NRP1: variants seen among roughly 807,000 people sequenced by gnomAD.
NRP1 encodes neuropilin 1.
In NRP1, 35 loss-of-function variants were observed where a neutral mutation model predicts 106.7. The observed-to-expected ratio is 0.33, with a 90% CI of 0.25 to 0.43. The LOEUF (loss-of-function observed/expected upper bound fraction) is 0.43, where lower values mean the gene tolerates loss of function less well. NRP1 is among the 20% of genes least tolerant of loss of function. The probability of loss-of-function intolerance (pLI) is 1.00; values close to 1 mark genes in which losing one functional copy is unlikely to be tolerated. For synonymous variants in NRP1, 437 were observed against 417.9 expected, an observed-to-expected ratio of 1.05 and a Z score of -0.56; for missense variants, 1,024 against 1,170.4, an observed-to-expected ratio of 0.87 and a Z score of 1.83.
intron 2 of NRP1, among the ~76,000 whole-genome samples, chr10:33,272,723 A>T (rs1843394918): frequency 6.6e-6 from 1 of 152,068 alleles, no homozygotes; most frequent in South Asian, 2.1e-4. Flanking sequence ...GTTTCGCCCC[A>T]CGCTTTCTTA....
intron 2 of NRP1, among the ~76,000 whole-genome samples, chr10:33,297,349 T>C (rs1465056417): frequency 2.0e-5 from 3 of 152,218 alleles, no homozygotes; most frequent in Non-Finnish European, 4.4e-5. Context: ...GGAACATTAC[T>C]GGGGCCTCTG....
intron 15 of NRP1, among the ~76,000 whole-genome samples, chr10:33,183,034 T>C (rs1219276436): frequency 6.6e-6 from 1 of 152,152 alleles, no homozygotes; most frequent in Non-Finnish European, 1.5e-5. Flanking sequence ...TCTGTTGTTT[T>C]AGGAGACAAG....
intron 2 of NRP1, among the ~76,000 whole-genome samples, chr10:33,283,447 A>G (rs777680883): frequency 2.0e-5 from 3 of 152,168 alleles, no homozygotes; most frequent in Non-Finnish European, 2.9e-5. Flanking sequence ...AATATCCTCT[A>G]TATGCCCAAA....
Position 33,178,529 on chromosome 10 carries a change from C to T in NRP1, c.*1547G>A, listed in dbSNP as rs374984369. On this transcript the variant is annotated 3_prime_UTR_variant, in exon 17 of 17. Transcript: ENST00000374867. ...CCCCTCTTATCTTAAAATACTTGACCCCCAGGCATCAGGATTTATAGTTTC... is the reference window on the plus strand; with the variant it reads ...CCCCTCTTATCTTAAAATACTTGACTCCCAGGCATCAGGATTTATAGTTTC... 1.6e-3 allele frequency: 244 copies of T among 152,198 alleles called. No individual in the cohort carries two copies. Among genetic ancestry groups the T allele is most frequent in the African/African-American group, 5.7e-3 (235 of 41,526 alleles). The allele number at this position is 152,198 out of a possible 1,614,324, so 9.4% of individuals were successfully genotyped here.
chr10:33,224,229 T>C (rs1449043089), intron 7 of NRP1, among the ~76,000 whole-genome samples: 2 of 152,100 alleles, frequency 1.3e-5, no homozygotes, highest in Non-Finnish European at 2.9e-5. Flanking sequence ...TCCTTCTGCC[T>C]CTCCCCTTGA....
chr10:33,240,082 C>T (rs1051064142), intron 6 of NRP1, among the ~76,000 whole-genome samples: 1 of 152,276 alleles, frequency 6.6e-6, no homozygotes, highest in Admixed American at 6.5e-5. Context: ...TTCTTTGTCT[C>T]ATGGTCTCTG....
intron 6 of NRP1, among the ~76,000 whole-genome samples, chr10:33,246,608 A>ACACACG (rs1841449979): frequency 6.6e-6 from 1 of 151,952 alleles, no homozygotes; most frequent in Non-Finnish European, 1.5e-5. Flanking sequence ...ACACACACAC[A>ACACACG]CAGAGCACAC....
intron 12 of NRP1, among the ~76,000 whole-genome samples, chr10:33,196,146 C>A (rs1325977426): frequency 6.6e-6 from 1 of 152,144 alleles, no homozygotes; most frequent in East Asian, 1.9e-4. Flanking sequence ...TTTCCATTTT[C>A]TACACAGCTG....
intron 2 of NRP1, among the ~76,000 whole-genome samples, chr10:33,318,969 C>T (rs1437738246): frequency 2.7e-5 from 4 of 148,198 alleles, no homozygotes; most frequent in Non-Finnish European, 4.5e-5. Flanking sequence ...CTTCCGGGGT[C>T]GAGTGGGGAC....
intron 10 of NRP1, chr10:33,206,186 G>A (rs754927417): frequency 1.9e-6 from 1 of 518,136 alleles, no homozygotes; most frequent in Non-Finnish European, 3.9e-6. Context: ...CAGAATCCAG[G>A]CTACAGATTC....
intron 6 of NRP1, among the ~76,000 whole-genome samples, chr10:33,234,371 C>T (rs1048730162): frequency 2.0e-5 from 3 of 152,078 alleles, no homozygotes; most frequent in Non-Finnish European, 4.4e-5. Context: ...CTATGCTATT[C>T]CCCAATTCAT....
Position 33,228,670 on chromosome 10 carries a change from T to G in NRP1, c.982-2381A>C, listed in dbSNP as rs528959852. On this transcript the variant is annotated intron_variant, in intron 6 of 16. Transcript: ENST00000374867. ...GGAAAAACAGCACATAGAAGCCAATTTGAAGTTACAGAAAGCAGTAGTGGT... is the reference window on the plus strand; with the variant it reads ...GGAAAAACAGCACATAGAAGCCAATGTGAAGTTACAGAAAGCAGTAGTGGT... 3.9e-5 allele frequency among the ~76,000 whole-genome samples: 6 copies of G among 152,236 alleles called. No individual in the cohort carries two copies. The East Asian group carries it at 1.2e-3, about 29-fold the overall frequency.
At chr10:33,296,846 T>G (rs1845422546) in intron 2 of NRP1, among the ~76,000 whole-genome samples, 2 of 152,036 alleles carry the variant, frequency 1.3e-5, no homozygotes. Context: ...ATGGCCAACA[T>G]GGCGAAACCC....
At chr10:33,194,876 GA>G (rs1294965882) in intron 12 of NRP1, 1 of 430,602 alleles carries the variant, frequency 2.3e-6, no homozygotes, top group Non-Finnish European at 4.7e-6. Context: ...GAGAGAAAAG[GA>G]GAGAAAAAAG....
At chr10:33,280,841 G>T (rs1844068877) in intron 2 of NRP1, among the ~76,000 whole-genome samples, 1 of 151,890 alleles carries the variant, frequency 6.6e-6, no homozygotes, top group South Asian at 2.1e-4. Flanking sequence ...AATTAGTTGG[G>T]CATGGTGGCA....
chr10:33,217,377 TA>T (rs10711237), intron 8 of NRP1, among the ~76,000 whole-genome samples: 45,653 of 146,044 alleles, frequency 0.31, 7,014 homozygotes, highest in East Asian at 0.62. Flanking sequence ...GCTGCCTCAT[TA>T]AAAAAAAAAA....
chr10:33,182,153 T>C (rs534390059), intron 16 of NRP1, among the ~76,000 whole-genome samples: 1 of 152,218 alleles, frequency 6.6e-6, no homozygotes, highest in South Asian at 2.1e-4. Context: ...TACTAACTCT[T>C]CAATAAATCC....
At chr10:33,218,497 C>A (rs1432040388) in intron 8 of NRP1, among the ~76,000 whole-genome samples, 1 of 151,840 alleles carries the variant, frequency 6.6e-6, no homozygotes, top group Non-Finnish European at 1.5e-5. Context: ...AAGTGCATGC[C>A]ACCACACCTG....
intron 2 of NRP1, among the ~76,000 whole-genome samples, chr10:33,277,033 A>T (rs905053485): frequency 6.6e-6 from 1 of 151,530 alleles, no homozygotes; most frequent in Admixed American, 6.6e-5. Flanking sequence ...TAAGCCCAGG[A>T]GTTTGAGGCT....
Sources: allele counts gnomAD v4.1 joint callset (sites outside exome capture counted in the v4.1 genomes callset), GRCh38; gene constraint gnomAD v4.1.1; transcripts MANE v1.5; gene names NCBI Gene and HGNC (gene_info 2026-07-23, HGNC 2026-07-21).